Variants in KCNK2 observed in about 807,000 individuals in gnomAD.
The protein encoded by KCNK2 is potassium channel subfamily K member 2.
In KCNK2, 21 loss-of-function variants were observed where a neutral mutation model predicts 40.5. The ratio of observed to expected loss-of-function variants is 0.52; its 90% CI spans 0.37 to 0.75. The LOEUF is 0.75. KCNK2 is among the 30% of genes least tolerant of loss of function. KCNK2 has a pLI of 0.00. For synonymous variants in KCNK2, 191 were observed against 202.2 expected, an observed-to-expected ratio of 0.94 and a Z score of 0.47; for missense variants, 399 against 531.6, an observed-to-expected ratio of 0.75 and a Z score of 2.45.
At chr1:215,113,628 G>T (rs1329526528) in intron 2 of KCNK2, among the ~76,000 whole-genome samples, 1 of 152,108 alleles carries the variant, frequency 6.6e-6, no homozygotes, top group Non-Finnish European at 1.5e-5. Flanking sequence ...ACAGAGTCTT[G>T]TTCTGTTGAC....
intron 2 of KCNK2, among the ~76,000 whole-genome samples, chr1:215,094,755 T>C (rs1387865909): frequency 6.6e-6 from 1 of 152,062 alleles, no homozygotes; most frequent in African/African-American, 2.4e-5. Flanking sequence ...GATTAACAAG[T>C]TAATATTGGA....
chr1:215,035,003 T>G (rs1195874759), intron 1 of KCNK2, among the ~76,000 whole-genome samples: 1 of 152,104 alleles, frequency 6.6e-6, no homozygotes, highest in East Asian at 1.9e-4. Flanking sequence ...TTCCATTACC[T>G]ACAATTTATT....
chr1:215,183,311 C>T (rs577176856), intron 5 of KCNK2, among the ~76,000 whole-genome samples: 1 of 152,216 alleles, frequency 6.6e-6, no homozygotes, highest in Admixed American at 6.5e-5. Context: ...CTGCAAACTT[C>T]AGAAGAAGTT....
At chr1:215,160,386 T>G (rs1198263785) in intron 3 of KCNK2, among the ~76,000 whole-genome samples, 2 of 152,180 alleles carry the variant, frequency 1.3e-5, no homozygotes, top group Non-Finnish European at 2.9e-5. Context: ...AGGAGTTCTG[T>G]GTACAATTAT....
chr1:215,140,726 G>A (rs915662559), intron 3 of KCNK2, among the ~76,000 whole-genome samples: 2 of 152,124 alleles, frequency 1.3e-5, no homozygotes. Flanking sequence ...TGAGTGGTGA[G>A]TGATTGTAAA....
At chr1:215,062,549 C>T (rs1377753968) in intron 1 of KCNK2, among the ~76,000 whole-genome samples, 4 of 150,960 alleles carry the variant, frequency 2.6e-5, no homozygotes, top group East Asian at 2.0e-4. Flanking sequence ...AAGAACTCTA[C>T]ACCTGATATG....
At chr1:215,186,629 C>T (rs1339407) in intron 5 of KCNK2, among the ~76,000 whole-genome samples, 8,582 of 152,214 alleles carry the variant, frequency 0.056, 266 homozygotes, top group Middle Eastern at 0.14. Context: ...GTGTATGTGA[C>T]TGAATATAGG....
At chr1:215,078,840 A>G (rs1659046086), upstream of KCNK2, among the ~76,000 whole-genome samples, 3 of 152,244 alleles carry the variant, frequency 2.0e-5, no homozygotes, top group African/African-American at 7.2e-5. Flanking sequence ...TCAAATTCAC[A>G]TGGCTCAGAA....
At chr1:215,119,605 G>A (rs1661092496) in intron 2 of KCNK2, among the ~76,000 whole-genome samples, 1 of 152,068 alleles carries the variant, frequency 6.6e-6, no homozygotes, top group South Asian at 2.1e-4. Context: ...ATCTTTTACT[G>A]TTTCTGTGGC....
intron 1 of KCNK2, among the ~76,000 whole-genome samples, chr1:215,084,590 A>C (rs1283531576): frequency 6.6e-6 from 1 of 152,178 alleles, no homozygotes; most frequent in African/African-American, 2.4e-5. Context: ...CAGCACTTCC[A>C]TTTTAACAGT....
At chr1:215,018,466 T>A (rs942332759) in intron 1 of KCNK2, among the ~76,000 whole-genome samples, 1 of 152,140 alleles carries the variant, frequency 6.6e-6, no homozygotes, top group Non-Finnish European at 1.5e-5. Context: ...GGATAACAAC[T>A]GCAATAAATG....
chr1:215,014,016 C>T (rs1656497962), intron 1 of KCNK2, among the ~76,000 whole-genome samples: 1 of 151,984 alleles, frequency 6.6e-6, no homozygotes, highest in African/African-American at 2.4e-5. Flanking sequence ...AAGATGTTGT[C>T]TTCATTATTA....
Position 215,124,765 on chromosome 1 carries a change from A to G in KCNK2, c.475+15A>G, listed in dbSNP as rs1661343886. 1 of 1,497,944 alleles carries G rather than the reference A, an allele frequency of 6.7e-7. No individual in the cohort carries two copies. The highest frequency in any genetic ancestry group is 1.7e-5 in the Admixed American group (1 of 58,674). The allele number at this position is 1,497,944 out of a possible 1,614,324, so 92.8% of individuals were successfully genotyped here. On this transcript the variant is annotated intron_variant, in intron 3 of 6. Coordinates refer to ENST00000444842, the MANE Select transcript of KCNK2 (RefSeq NM_001017425.3). ...TACAACCATAGGTAGGAGACAACTT[A>G]TTTTTGTTTTTTGTTTTGATACCGT... is the stretch of plus-strand genomic sequence containing the variant.
chr1:215,060,745 T>C (rs1162079455), intron 1 of KCNK2, among the ~76,000 whole-genome samples: 1 of 152,200 alleles, frequency 6.6e-6, no homozygotes, highest in Non-Finnish European at 1.5e-5. Context: ...TCATTGAATA[T>C]AAATTACCTT....
At chr1:215,153,792 C>G (rs1169591323) in intron 3 of KCNK2, among the ~76,000 whole-genome samples, 1 of 151,988 alleles carries the variant, frequency 6.6e-6, no homozygotes, top group Non-Finnish European at 1.5e-5. Context: ...GTTCCCCTCC[C>G]CGTGTCCATG....
At chr1:215,193,954 T>A (rs1171026912) in intron 5 of KCNK2, among the ~76,000 whole-genome samples, 1 of 152,216 alleles carries the variant, frequency 6.6e-6, no homozygotes, top group Admixed American at 6.5e-5. Context: ...CCCTTCTTAC[T>A]TTCCTTCTTC....
intron 3 of KCNK2, among the ~76,000 whole-genome samples, chr1:215,159,474 C>A (rs1032156500): frequency 2.0e-5 from 3 of 152,152 alleles, no homozygotes; most frequent in Non-Finnish European, 2.9e-5. Context: ...CTATCAGGAT[C>A]TACTGGGGAC....
chr1:215,018,191 C>A (rs1656660655), intron 1 of KCNK2, among the ~76,000 whole-genome samples: 1 of 152,094 alleles, frequency 6.6e-6, no homozygotes, highest in Non-Finnish European at 1.5e-5. Flanking sequence ...CAAAATAAAT[C>A]TTCAGTATTA....
chr1:215,149,117 A>C (rs1031470238), intron 3 of KCNK2, among the ~76,000 whole-genome samples: 2 of 152,260 alleles, frequency 1.3e-5, no homozygotes, highest in East Asian at 3.9e-4. Flanking sequence ...GGTTATTAGG[A>C]GATGGATTTG....
Sources: gnomAD v4.1 joint callset for allele counts (sites outside exome capture counted in the v4.1 genomes callset) on GRCh38, gnomAD v4.1.1 for gene constraint, MANE v1.5 for transcripts, NCBI Gene and HGNC (gene_info 2026-07-23, HGNC 2026-07-21) for gene names.